The following ARHGEF7 variants were observed in gnomAD, a reference collection of about 807,000 sequenced individuals.
The protein encoded by ARHGEF7 is Rho guanine nucleotide exchange factor 7, also known as PAK-interacting exchange factor beta.
A neutral mutation model predicts 109.8 loss-of-function variants in ARHGEF7; 33 were observed. That is an observed-to-expected ratio of 0.30 (90% CI 0.23 to 0.40). The LOEUF (loss-of-function observed/expected upper bound fraction) is 0.40, where lower values mean the gene tolerates loss of function less well. Among genes scored for constraint, ARHGEF7 ranks in the 10% least tolerant of loss-of-function variants. The pLI, the probability that ARHGEF7 is intolerant of heterozygous loss-of-function variation, is 1.00. For missense variants in ARHGEF7, 938 were observed against 1,098.5 expected, an observed-to-expected ratio of 0.85 and a Z score of 2.07; for synonymous variants, 458 against 424.6, an observed-to-expected ratio of 1.08 and a Z score of -0.97.
In ARHGEF7 at chr13:111,131,999, GA is replaced by G. The variant is rs2074780157; in HGVS notation, c.165+16309del. On this transcript the variant is annotated intron_variant, in intron 1 of 21. Transcript: ENST00000646102. This position sits in a 1 kb window ranked among gnomAD's most constrained non-coding sequence, Gnocchi z 4.4. ...TGAGCCCTGTGGAAACCCACCCATGGAGGGGTGCATGCACCTGTAGCAATTG... is the reference window on the plus strand; with the variant it reads ...TGAGCCCTGTGGAAACCCACCCATGGGGGGTGCATGCACCTGTAGCAATTG... Among the ~76,000 whole-genome samples the G allele has an allele frequency of 6.6e-6, 1 of 152,204 alleles. No homozygotes were observed. The highest frequency in any genetic ancestry group is 2.4e-5 in the African/African-American group (1 of 41,460).
chr13:111,256,592 G>T (rs1384569164), intron 8 of ARHGEF7, among the ~76,000 whole-genome samples: 3 of 152,100 alleles, frequency 2.0e-5, no homozygotes, highest in Non-Finnish European at 2.9e-5. Context: ...TTTAGTTGGC[G>T]TGCTTCAGGA....
intron 2 of ARHGEF7, among the ~76,000 whole-genome samples, chr13:111,170,174 T>C (rs1050376282): frequency 2.6e-5 from 4 of 152,228 alleles, no homozygotes; most frequent in African/African-American, 9.6e-5. Flanking sequence ...TTCAGCCCAC[T>C]GTAACCTCTG....
intron 2 of ARHGEF7, among the ~76,000 whole-genome samples, chr13:111,176,310 A>G (rs2078156002): frequency 6.6e-6 from 1 of 152,230 alleles, no homozygotes; most frequent in Non-Finnish European, 1.5e-5. Context: ...GTAGGTGAGC[A>G]AGATACTTTT....
intron 9 of ARHGEF7, among the ~76,000 whole-genome samples, chr13:111,268,191 A>G (rs1288548263): frequency 4.6e-5 from 7 of 152,196 alleles, no homozygotes; most frequent in Admixed American, 4.6e-4. Flanking sequence ...TGCGAATTGG[A>G]GGAAGATGTT....
chr13:111,232,663 C>T (rs911175598), intron 5 of ARHGEF7, among the ~76,000 whole-genome samples: 6 of 152,090 alleles, frequency 3.9e-5, no homozygotes, highest in Admixed American at 2.0e-4. Context: ...GAAGTGAAGG[C>T]GGTGTGGGTT....
intron 19 of ARHGEF7, among the ~76,000 whole-genome samples, chr13:111,295,398 T>C (rs765504395): frequency 6.6e-6 from 1 of 152,238 alleles, no homozygotes; most frequent in Non-Finnish European, 1.5e-5. Flanking sequence ...CTTGTACATT[T>C]CTTATTTCAT....
At chr13:111,294,462 A>G (rs950869894) in intron 19 of ARHGEF7, 25 of 985,340 alleles carry the variant, frequency 2.5e-5, no homozygotes, top group South Asian at 2.3e-4. Flanking sequence ...TTGATATTCT[A>G]TACACCAAAG....
intron 2 of ARHGEF7, among the ~76,000 whole-genome samples, chr13:111,155,367 G>A (rs1263080521): frequency 6.6e-6 from 1 of 152,224 alleles, no homozygotes; most frequent in Non-Finnish European, 1.5e-5. Context: ...AGACATGTAG[G>A]AATTCATAGA....
rs373513650 is a variant in ARHGEF7 at position 111,283,122 on chromosome 13, C to G, written c.1726-17C>G. The G allele has an allele frequency of 6.4e-7, 1 of 1,569,786 alleles. No homozygotes were observed. The highest frequency in any genetic ancestry group is 1.2e-5 in the South Asian group (1 of 85,416). ...AGTCTCATGTTCTCTGCCCTTCCCG[C>G]TCTGTGCCCTTGGCAGCTCCCCTCC... On this transcript the variant is annotated splice_polypyrimidine_tract_variant and intron_variant, in intron 15 of 21. Coordinates refer to ENST00000646102, the MANE Select transcript of ARHGEF7 (RefSeq NM_001354046.2).
chr13:111,236,704 C>T (rs2086886156), intron 6 of ARHGEF7, among the ~76,000 whole-genome samples: 1 of 152,154 alleles, frequency 6.6e-6, no homozygotes, highest in South Asian at 2.1e-4. Flanking sequence ...TTACGGCTCA[C>T]ACCTGTAATC....
intron 1 of ARHGEF7, among the ~76,000 whole-genome samples, chr13:111,147,084 G>T (rs1199235358): frequency 6.6e-6 from 1 of 152,154 alleles, no homozygotes; most frequent in Non-Finnish European, 1.5e-5. Context: ...TATTTCTGGA[G>T]ACTACATGAG....
intron 13 of ARHGEF7, 23 bp downstream of exon 13, chr13:111,277,696 AT>A: frequency 1.4e-6 from 2 of 1,464,660 alleles, no homozygotes; most frequent in Non-Finnish European, 9.5e-7. Flanking sequence ...TTAAATTTAT[AT>A]TTTATTGTGG....
At chr13:111,299,994 C>T (rs1293566623) in intron 19 of ARHGEF7, among the ~76,000 whole-genome samples, 1 of 152,162 alleles carries the variant, frequency 6.6e-6, no homozygotes, top group African/African-American at 2.4e-5. Flanking sequence ...AAAATATTTT[C>T]TTTAAGAAAA....
At chr13:111,125,355 T>C (rs966033357) in intron 1 of ARHGEF7, among the ~76,000 whole-genome samples, 3 of 150,258 alleles carry the variant, frequency 2.0e-5, no homozygotes, top group Admixed American at 6.7e-5. Flanking sequence ...TGGTATTTTG[T>C]GCATAACTTT....
intron 1 of ARHGEF7, among the ~76,000 whole-genome samples, chr13:111,148,127 C>T (rs887547228): frequency 2.0e-5 from 3 of 152,214 alleles, no homozygotes; most frequent in Non-Finnish European, 4.4e-5. Flanking sequence ...TGTGTGCAAG[C>T]TTCTGTGCGT....
chr13:111,167,035 T>C (rs1313249270), intron 2 of ARHGEF7, among the ~76,000 whole-genome samples: 3 of 152,164 alleles, frequency 2.0e-5, no homozygotes, highest in Non-Finnish European at 4.4e-5. Context: ...CCGCTAGACG[T>C]GCGTACTGAC....
intron 8 of ARHGEF7, among the ~76,000 whole-genome samples, chr13:111,253,019 C>T (rs114700510): frequency 0.012 from 1,762 of 152,394 alleles, 21 homozygotes; most frequent in Middle Eastern, 0.034. Context: ...AGGGCCAGGC[C>T]CAGCAGCAGC....
intron 19 of ARHGEF7, among the ~76,000 whole-genome samples, chr13:111,299,961 C>T (rs752739223): frequency 6.0e-4 from 91 of 152,126 alleles, no homozygotes; most frequent in Non-Finnish European, 1.0e-3. Context: ...AAATGGTACA[C>T]GTTGTACCAT....
chr13:111,186,930 C>T, intron 2 of ARHGEF7: 1 of 985,614 alleles, frequency 1.0e-6, no homozygotes, highest in Non-Finnish European at 1.2e-6. Flanking sequence ...TTGGGGTCTA[C>T]TACGTAGAGG....
Sources: allele counts gnomAD v4.1 joint callset (sites outside exome capture counted in the v4.1 genomes callset), GRCh38; gene constraint gnomAD v4.1.1; non-coding constraint Gnocchi (gnomAD v3.1); transcripts MANE v1.5; gene names NCBI Gene and HGNC (gene_info 2026-07-23, HGNC 2026-07-21).